The following STK33 variants were observed in gnomAD, a reference collection of about 807,000 sequenced individuals.
STK33 encodes the protein serine/threonine-protein kinase 33.
In STK33, 52 loss-of-function variants were observed where a neutral mutation model predicts 58.0. The ratio of observed to expected loss-of-function variants is 0.90; its 90% confidence interval spans 0.72 to 1.13. The LOEUF (loss-of-function observed/expected upper bound fraction) is 1.13, where lower values mean the gene tolerates loss of function less well. Among genes scored for constraint, STK33 ranks in the 50% most tolerant of loss-of-function variants. The pLI, the probability that STK33 is intolerant of heterozygous loss-of-function variation, is 0.00. For missense variants in STK33, 630 were observed against 604.2 expected (o/e 1.04, Z -0.45); for synonymous variants, 215 against 200.1 (o/e 1.07, Z -0.63).
the STK33 span, among the ~76,000 whole-genome samples, chr11:8,381,564 A>G: frequency 6.6e-6 from 1 of 152,134 alleles, no homozygotes; most frequent in Non-Finnish European, 1.5e-5. Context: ...TCCTGAATGC[A>G]GAAACATGAG....
At chr11:8,593,240 T>C (rs2032894363) in intron 1 of STK33, among the ~76,000 whole-genome samples, 2 of 152,222 alleles carry the variant, frequency 1.3e-5, no homozygotes, top group South Asian at 2.1e-4. Context: ...GGAAAGAGTT[T>C]GGGTTCAAAA....
At chr11:8,495,019 C>A (rs1950944127) in intron 1 of STK33, among the ~76,000 whole-genome samples, 1 of 152,164 alleles carries the variant, frequency 6.6e-6, no homozygotes, top group Non-Finnish European at 1.5e-5. Context: ...CAATACCATT[C>A]AGGACATAGG....
At chr11:8,592,281 T>C (rs2032737976) in intron 1 of STK33, among the ~76,000 whole-genome samples, 2 of 152,128 alleles carry the variant, frequency 1.3e-5, no homozygotes, top group African/African-American at 2.4e-5. Flanking sequence ...CTGGGGAAGA[T>C]AAAAATCAAA....
chr11:8,452,992 C>G, intron 10 of STK33, 86 bp from the exon 11 acceptor site: 1 of 1,229,102 alleles, frequency 8.1e-7, no homozygotes. Context: ...ATTGAATTTG[C>G]ATTGAATTCT....
chr11:8,540,947 C>T (rs7126934), intron 1 of STK33, among the ~76,000 whole-genome samples: 59,343 of 150,800 alleles, frequency 0.39, 12,023 homozygotes, highest in South Asian at 0.57. Flanking sequence ...ATCGGCTTCA[C>T]TATACTACCC....
chr11:8,487,522 T>C (rs1950275524), intron 1 of STK33, among the ~76,000 whole-genome samples: 1 of 150,324 alleles, frequency 6.7e-6, no homozygotes, highest in African/African-American at 2.4e-5. Flanking sequence ...CCAGGAAGGA[T>C]ATGTAGAATG....
At chr11:8,447,895 C>G (rs1300373035) in intron 11 of STK33, among the ~76,000 whole-genome samples, 1 of 152,184 alleles carries the variant, frequency 6.6e-6, no homozygotes, top group African/African-American at 2.4e-5. Flanking sequence ...ACCCCACTGT[C>G]TCAGCCTAAA....
At chr11:8,480,232 G>T (rs986355866) in intron 2 of STK33, among the ~76,000 whole-genome samples, 178 bp downstream of exon 2, 2 of 152,158 alleles carry the variant, frequency 1.3e-5, no homozygotes, top group Non-Finnish European at 2.9e-5. Context: ...GACTACAAGT[G>T]TTTGAGTAGA....
At chr11:8,366,921 G>A in the STK33 span, among the ~76,000 whole-genome samples, 2 of 152,224 alleles carry the variant, frequency 1.3e-5, no homozygotes, top group East Asian at 3.9e-4. Flanking sequence ...TGTGTGGCTT[G>A]TGAGAGTCTG....
At chr11:8,423,696 G>C (rs778441670) in intron 14 of STK33, among the ~76,000 whole-genome samples, 12 of 151,966 alleles carry the variant, frequency 7.9e-5, no homozygotes, top group Non-Finnish European at 1.5e-4. Context: ...TCTAATTAGA[G>C]AACTGTGTAT....
chr11:8,473,141 G>T, intron 6 of STK33, 22 bp downstream of exon 6: 2 of 1,487,754 alleles, frequency 1.3e-6, no homozygotes, highest in Non-Finnish European at 1.8e-6. Context: ...GTTCACAGTA[G>T]CTTCATTTGC....
chr11:8,406,142 C>CAAAAAAA lies in STK33; in HGVS notation c.1344+7346_1344+7352dup, dbSNP rs59336494. ...TGGGTGACAGAGCGAGACTCCGTCT[C>CAAAAAAA]AAAAAAAAAAAAAAAAAAAAAAAAA... On this transcript the variant is annotated intron_variant, in intron 15 of 15. Transcript: ENST00000687296. Among the ~76,000 whole-genome samples, 4 of 94,692 alleles carry CAAAAAAA rather than the reference C, an allele frequency of 4.2e-5. 1 individual carries two copies. The highest frequency in any genetic ancestry group is 9.6e-5 in the Non-Finnish European group (4 of 41,490). The allele number at this position is 94,692 out of a possible 152,430, so 62.1% of individuals were successfully genotyped here. A position where few individuals can be genotyped will look rare whatever the true frequency, so the allele number is the denominator to read the frequency against.
At chr11:8,347,603 G>A in the STK33 span, among the ~76,000 whole-genome samples, 1 of 149,332 alleles carries the variant, frequency 6.7e-6, no homozygotes, top group Non-Finnish European at 1.5e-5. Flanking sequence ...CACATCAGCG[G>A]TTCAATGTTC....
chr11:8,354,082 G>A, the STK33 span, among the ~76,000 whole-genome samples: 34 of 152,236 alleles, frequency 2.2e-4, no homozygotes, highest in African/African-American at 7.9e-4. Flanking sequence ...GCAGAGCCAC[G>A]GAGATAAACC....
At chr11:8,532,717 A>G (rs1424934698) in intron 1 of STK33, among the ~76,000 whole-genome samples, 6 of 152,238 alleles carry the variant, frequency 3.9e-5, no homozygotes, top group Non-Finnish European at 4.4e-5. Context: ...GCAATTGATT[A>G]GAGATGTCTT....
intron 1 of STK33, among the ~76,000 whole-genome samples, chr11:8,543,007 G>C (rs145070678): frequency 2.0e-5 from 3 of 152,062 alleles, no homozygotes; most frequent in African/African-American, 4.8e-5. Flanking sequence ...CACTGCACCC[G>C]GCCTGGTTTT....
chr11:8,538,964 A>G (rs1044738256), intron 1 of STK33, among the ~76,000 whole-genome samples: 1 of 152,358 alleles, frequency 6.6e-6, no homozygotes, highest in African/African-American at 2.4e-5. Context: ...CAAAAGAAGG[A>G]TGTCTAAAAA....
chr11:8,466,796 C>A (rs1948239373), intron 6 of STK33: 1 of 152,282 alleles, frequency 6.6e-6, no homozygotes, highest in African/African-American at 2.4e-5. Context: ...CCTGCCCCTG[C>A]AGCAAACTAC....
At chr11:8,461,092 T>C (rs1440888944) in intron 8 of STK33, among the ~76,000 whole-genome samples, 3 of 152,204 alleles carry the variant, frequency 2.0e-5, no homozygotes, top group Non-Finnish European at 2.9e-5. Flanking sequence ...AACTGCAATA[T>C]GGGCAAGCTG....
Sources: allele counts gnomAD v4.1 joint callset (sites outside exome capture counted in the v4.1 genomes callset), GRCh38; gene constraint gnomAD v4.1.1; transcripts MANE v1.5; gene names NCBI Gene and HGNC (gene_info 2026-07-23, HGNC 2026-07-21).